CNTN4: variants seen among roughly 807,000 people sequenced by gnomAD.
CNTN4 encodes contactin-4.
CNTN4 carries 77 observed loss-of-function variants against 122.5 expected under a neutral mutation model. That is an observed-to-expected ratio of 0.63 (90% confidence interval 0.52 to 0.76). The LOEUF (loss-of-function observed/expected upper bound fraction) is 0.76, where lower values mean the gene tolerates loss of function less well. Among genes scored for constraint, CNTN4 ranks in the 30% least tolerant of loss-of-function variants. The pLI, the probability that CNTN4 is intolerant of heterozygous loss-of-function variation, is 0.00. For missense variants in CNTN4, 1,256 were observed against 1,259.1 expected, an observed-to-expected ratio of 1.00 and a Z score of 0.04; for synonymous variants, 512 against 447.0, an observed-to-expected ratio of 1.15 and a Z score of -1.83.
At chr3:2,377,413 C>A (rs920438453) in intron 3 of CNTN4, among the ~76,000 whole-genome samples, 3 of 152,152 alleles carry the variant, frequency 2.0e-5, no homozygotes, top group Non-Finnish European at 4.4e-5. Flanking sequence ...GCTTCCTCAC[C>A]CACACACAGG....
intron 6 of CNTN4, among the ~76,000 whole-genome samples, chr3:2,806,862 G>A (rs986730270): frequency 6.6e-6 from 1 of 152,106 alleles, no homozygotes; most frequent in African/African-American, 2.4e-5. Context: ...CCCACACTTA[G>A]AAGTAGGATG....
At chr3:2,423,223 C>T (rs2047678371) in intron 3 of CNTN4, among the ~76,000 whole-genome samples, 1 of 152,086 alleles carries the variant, frequency 6.6e-6, no homozygotes, top group Non-Finnish European at 1.5e-5. Context: ...TTATTTTTTC[C>T]AAATGGACAA....
Position 2,506,820 on chromosome 3 carries a change from G to T in CNTN4, c.-88-64596G>T, listed in dbSNP as rs932612108. 1.8e-4 allele frequency among the ~76,000 whole-genome samples: 28 copies of T among 152,132 alleles called. 1 individual carries two copies. Among genetic ancestry groups the T allele is most frequent in the Non-Finnish European group, 2.8e-4 (19 of 68,028 alleles). On this transcript the variant is annotated intron_variant, in intron 3 of 24. Transcript: ENST00000418658. ...CGAGGTGGGAGACGGGAGAGGGAGTGCAAGAGAGGCTGGAATGAGATTTTT... is the reference window on the plus strand; with the variant it reads ...CGAGGTGGGAGACGGGAGAGGGAGTTCAAGAGAGGCTGGAATGAGATTTTT...
intron 2 of CNTN4, among the ~76,000 whole-genome samples, chr3:2,165,298 G>A (rs1246226556): frequency 1.3e-5 from 2 of 151,642 alleles, no homozygotes; most frequent in African/African-American, 4.8e-5. Context: ...ACTCCAGCCT[G>A]GGTGACAAGA....
intron 2 of CNTN4, among the ~76,000 whole-genome samples, chr3:2,177,073 C>G (rs757905094): frequency 3.8e-4 from 57 of 151,954 alleles, no homozygotes; most frequent in Non-Finnish European, 4.7e-4. Flanking sequence ...CCTTGTATAT[C>G]AAATAGTTAA....
intron 2 of CNTN4, among the ~76,000 whole-genome samples, chr3:2,162,327 T>A (rs919372411): frequency 6.6e-6 from 1 of 152,240 alleles, no homozygotes; most frequent in Non-Finnish European, 1.5e-5. Context: ...TATATGCACA[T>A]GCATGCATGT....
At chr3:3,026,326 C>G (rs750632226) in intron 15 of CNTN4, 49 bp downstream of exon 15, 2 of 1,461,048 alleles carry the variant, frequency 1.4e-6, no homozygotes, top group Non-Finnish European at 1.9e-6. Context: ...TTTAGACCAA[C>G]TTAACAATAT....
chr3:2,244,999 A>C (rs2040086347), intron 2 of CNTN4, among the ~76,000 whole-genome samples: 1 of 152,076 alleles, frequency 6.6e-6, no homozygotes, highest in South Asian at 2.1e-4. Flanking sequence ...TTTTAATTAA[A>C]AATCATTCTA....
intron 13 of CNTN4, among the ~76,000 whole-genome samples, chr3:2,928,576 T>C (rs1003047390): frequency 2.0e-5 from 3 of 152,210 alleles, no homozygotes; most frequent in Non-Finnish European, 4.4e-5. Context: ...CTTAATTCTC[T>C]TTTCAGATGT....
chr3:2,486,421 C>T (rs189404465), intron 3 of CNTN4, among the ~76,000 whole-genome samples: 1 of 152,214 alleles, frequency 6.6e-6, no homozygotes, highest in East Asian at 1.9e-4. Context: ...AAACATCTGA[C>T]TAGAACATTA....
At position 2,861,357 on chromosome 3, in the gene CNTN4, C is replaced by G. The variant is rs1301360464; in HGVS notation, c.455-5395C>G. ...CACCTCTCCATCTCAGCACTGAGCT[C>G]AGTGCTTTTGCAAACAACTGATGCT... is the stretch of plus-strand genomic sequence containing the variant. On this transcript the variant is annotated intron_variant, in intron 7 of 24. Coordinates refer to ENST00000418658, the MANE Select transcript of CNTN4 (RefSeq NM_175607.3). 2.0e-5 allele frequency among the ~76,000 whole-genome samples: 3 copies of G among 152,170 alleles called. No individual in the cohort carries two copies. In the East Asian group the frequency reaches 5.8e-4, roughly 29 times the overall value.
intron 2 of CNTN4, among the ~76,000 whole-genome samples, chr3:2,255,845 C>A (rs915191903): frequency 4.6e-5 from 7 of 152,078 alleles, no homozygotes; most frequent in African/African-American, 1.7e-4. Context: ...CAGGAAAGAT[C>A]TAAAATTGAC....
intron 2 of CNTN4, among the ~76,000 whole-genome samples, chr3:2,196,255 T>C (rs1395002731): frequency 6.6e-6 from 1 of 152,210 alleles, no homozygotes; most frequent in South Asian, 2.1e-4. Flanking sequence ...GTGCTGATTG[T>C]GGAGAGAATT....
intron 4 of CNTN4, among the ~76,000 whole-genome samples, chr3:2,678,113 C>T (rs1375770014): frequency 6.6e-6 from 1 of 152,056 alleles, no homozygotes; most frequent in Non-Finnish European, 1.5e-5. Flanking sequence ...GTAGTCCAAT[C>T]CACAATATAA....
chr3:2,494,976 T>C (rs1021389924), intron 3 of CNTN4, among the ~76,000 whole-genome samples: 1 of 152,228 alleles, frequency 6.6e-6, no homozygotes, highest in Non-Finnish European at 1.5e-5. Context: ...AAAACTATAC[T>C]TGTATATACA....
intron 3 of CNTN4, among the ~76,000 whole-genome samples, chr3:2,443,146 GT>G (rs1003581850): frequency 1.6e-5 from 2 of 126,474 alleles, no homozygotes; most frequent in African/African-American, 5.6e-5. Flanking sequence ...TCAAATAAAA[GT>G]TAAAAAAAAA....
At chr3:3,030,313 A>T (rs537980968) in intron 15 of CNTN4, among the ~76,000 whole-genome samples, 4 of 152,310 alleles carry the variant, frequency 2.6e-5, no homozygotes, top group Admixed American at 6.5e-5. Flanking sequence ...CCAAATGAGC[A>T]CTGTTCCACA....
intron 2 of CNTN4, among the ~76,000 whole-genome samples, chr3:2,221,606 A>G (rs1219723754): frequency 6.6e-6 from 1 of 152,022 alleles, no homozygotes; most frequent in East Asian, 1.9e-4. Context: ...GAAATAAAAG[A>G]CATCCCAAGG....
At chr3:2,282,824 A>G (rs557691178) in intron 2 of CNTN4, among the ~76,000 whole-genome samples, 7 of 152,106 alleles carry the variant, frequency 4.6e-5, no homozygotes, top group Non-Finnish European at 8.8e-5. Flanking sequence ...ATAAAAAGGA[A>G]TGAAGTTCTA....
Sources: allele counts gnomAD v4.1 joint callset (sites outside exome capture counted in the v4.1 genomes callset), GRCh38; gene constraint gnomAD v4.1.1; transcripts MANE v1.5; gene names NCBI Gene and HGNC (gene_info 2026-07-23, HGNC 2026-07-21).